The following SHISA9 variants were observed in gnomAD, a reference collection of about 807,000 sequenced individuals.
SHISA9 encodes shisa family member 9.
In SHISA9, 13 loss-of-function variants were observed where a neutral mutation model predicts 38.0. The ratio of observed to expected loss-of-function variants is 0.34; its 90% CI spans 0.22 to 0.54. The LOEUF (loss-of-function observed/expected upper bound fraction) is 0.54. Among genes scored for constraint, SHISA9 ranks in the 20% least tolerant of loss-of-function variants. The pLI is 0.91. For missense variants in SHISA9, 538 were observed against 575.8 expected, an observed-to-expected ratio of 0.93 and a Z score of 0.67; for synonymous variants, 275 against 242.0, an observed-to-expected ratio of 1.14 and a Z score of -1.27.
chr16:12,932,042 T>G (rs2071468555), intron 2 of SHISA9, among the ~76,000 whole-genome samples: 1 of 152,146 alleles, frequency 6.6e-6, no homozygotes, highest in Non-Finnish European at 1.5e-5. Context: ...TTTAATAAAG[T>G]GCAGTCCCCC....
chr16:13,381,738 A>C, the SHISA9 span, among the ~76,000 whole-genome samples: 182 of 152,292 alleles, frequency 1.2e-3, 1 homozygote, highest in African/African-American at 4.1e-3. Context: ...AACCTAACTA[A>C]GTGTATAGAA....
At chr16:13,364,713 G>A in the SHISA9 span, among the ~76,000 whole-genome samples, 63 of 152,282 alleles carry the variant, frequency 4.1e-4, no homozygotes, top group Middle Eastern at 3.4e-3. Context: ...AAAGAAGTGC[G>A]CTCTTTGAAT....
the SHISA9 span, among the ~76,000 whole-genome samples, chr16:13,470,321 T>C: frequency 9.9e-5 from 15 of 152,198 alleles, no homozygotes; most frequent in Non-Finnish European, 1.5e-5. Context: ...TTGAATTTAA[T>C]ATCTATAGAA....
chr16:13,015,713 C>T (rs2072734297), intron 2 of SHISA9, among the ~76,000 whole-genome samples: 1 of 152,068 alleles, frequency 6.6e-6, no homozygotes, highest in East Asian at 1.9e-4. Context: ...ACACCGGTTC[C>T]CTACTGGAGA....
rs75114828 is a variant in SHISA9, at chr16:12,961,806, G to A, written c.691+44991G>A. Among the ~76,000 whole-genome samples the A allele has an allele frequency of 9.7e-3, 1,480 of 152,258 alleles. 6 individuals are homozygous for A. Among genetic ancestry groups the A allele is most frequent in the East Asian group, 0.029 (148 of 5,182 alleles). ...CTCCTGTGAACAGCGAGTTCCTTGC[G>A]ACAAGTCAGGTTTCAGCTGAGCCCT... On this transcript the variant is annotated intron_variant, in intron 2 of 4. Transcript: ENST00000558583.
chr16:13,521,387 A>G, the SHISA9 span, among the ~76,000 whole-genome samples: 16 of 152,308 alleles, frequency 1.1e-4, no homozygotes, highest in South Asian at 3.3e-3. Context: ...TATACTTTAT[A>G]CAGTACACAT....
the SHISA9 span, among the ~76,000 whole-genome samples, chr16:13,536,542 A>C: frequency 1.3e-3 from 202 of 152,362 alleles, 1 homozygote; most frequent in Non-Finnish European, 2.3e-3. Flanking sequence ...AGAGATAAGC[A>C]TAAAGAACTG....
intron 2 of SHISA9, among the ~76,000 whole-genome samples, chr16:13,072,684 G>A (rs1032349093): frequency 8.7e-5 from 13 of 148,834 alleles, no homozygotes; most frequent in East Asian, 3.9e-4. Flanking sequence ...TTTTTGAGAC[G>A]GAGTCTTGCT....
intron 2 of SHISA9, among the ~76,000 whole-genome samples, chr16:12,940,952 C>T (rs914027120): frequency 2.0e-5 from 3 of 152,212 alleles, no homozygotes; most frequent in Non-Finnish European, 4.4e-5. Context: ...CAAAGCCAAA[C>T]CCTGTCTTCC....
At chr16:13,542,165 G>T in the SHISA9 span, among the ~76,000 whole-genome samples, 2 of 152,186 alleles carry the variant, frequency 1.3e-5, no homozygotes, top group Non-Finnish European at 1.5e-5. Flanking sequence ...CAAGAATTCT[G>T]CCCTTGAGCC....
chr16:12,956,346 A>T (rs1184432931), intron 2 of SHISA9, among the ~76,000 whole-genome samples: 2 of 152,236 alleles, frequency 1.3e-5, no homozygotes, highest in Non-Finnish European at 2.9e-5. Flanking sequence ...TTAAAAATAG[A>T]ACTACCATTT....
the SHISA9 span, among the ~76,000 whole-genome samples, chr16:13,494,981 T>C: frequency 6.6e-6 from 1 of 152,204 alleles, no homozygotes; most frequent in African/African-American, 2.4e-5. Context: ...TCTGACAAGA[T>C]TACATACTGT....
At chr16:12,966,557 G>T (rs1175841167) in intron 2 of SHISA9, among the ~76,000 whole-genome samples, 1 of 152,112 alleles carries the variant, frequency 6.6e-6, no homozygotes, top group East Asian at 1.9e-4. Flanking sequence ...GCCCAGCAGT[G>T]CTTTATAATC....
chr16:13,183,660 G>A (rs1297368955), intron 2 of SHISA9, among the ~76,000 whole-genome samples: 1 of 152,172 alleles, frequency 6.6e-6, no homozygotes, highest in African/African-American at 2.4e-5. Context: ...TTTTCCTTTT[G>A]TGAATAACTC....
chr16:13,266,853 C>A, the SHISA9 span, among the ~76,000 whole-genome samples: 1 of 152,068 alleles, frequency 6.6e-6, no homozygotes, highest in Non-Finnish European at 1.5e-5. Context: ...GTGGGGAAGG[C>A]AGGGATTATT....
At chr16:13,520,476 A>C in the SHISA9 span, among the ~76,000 whole-genome samples, 3 of 151,476 alleles carry the variant, frequency 2.0e-5, no homozygotes, top group Non-Finnish European at 4.4e-5. Context: ...GGTGGCAGGC[A>C]CCTGTAATCC....
At chr16:13,452,446 G>A in the SHISA9 span, among the ~76,000 whole-genome samples, 1 of 152,236 alleles carries the variant, frequency 6.6e-6, no homozygotes, top group East Asian at 1.9e-4. Flanking sequence ...AAAAGAGCTG[G>A]CTTCCAGGTT....
chr16:12,912,761 G>T (rs2071202904), intron 1 of SHISA9, among the ~76,000 whole-genome samples: 1 of 152,184 alleles, frequency 6.6e-6, no homozygotes, highest in South Asian at 2.1e-4. Context: ...ACTGCTTAGT[G>T]AGTTCACGTG....
At chr16:13,414,646 C>CTTTTTTTTTTTTTTTTTTTTTTTTTTTT in the SHISA9 span, among the ~76,000 whole-genome samples, 1 of 136,654 alleles carries the variant, frequency 7.3e-6, no homozygotes, top group Non-Finnish European at 1.5e-5. Context: ...TTCTTTCTTT[C>CTTTTTTTTTTTTTTTTTTTTTTTTTTTT]TTTCTTTTTT....
Sources: gnomAD v4.1 joint callset for allele counts (sites outside exome capture counted in the v4.1 genomes callset) on GRCh38, gnomAD v4.1.1 for gene constraint, MANE v1.5 for transcripts, NCBI Gene and HGNC (gene_info 2026-07-23, HGNC 2026-07-21) for gene names.